The following LZTFL1 variants were observed in gnomAD, a reference collection of about 807,000 sequenced individuals.
LZTFL1 encodes leucine zipper transcription factor like 1, also known as leucine zipper transcription factor-like protein 1.
LZTFL1 carries 25 observed loss-of-function variants against 45.9 expected under a neutral mutation model. That is an observed-to-expected ratio of 0.54 (90% CI 0.40 to 0.76). The LOEUF is 0.76. Among genes scored for constraint, LZTFL1 ranks in the 30% least tolerant of loss-of-function variants. The probability of loss-of-function intolerance (pLI) is 0.00; values close to 1 mark genes in which losing one functional copy is unlikely to be tolerated. For synonymous variants in LZTFL1, 93 were observed against 117.4 expected, an observed-to-expected ratio of 0.79 and a Z score of 1.35; for missense variants, 277 against 331.1, an observed-to-expected ratio of 0.84 and a Z score of 1.27.
At chr3:45,850,721 C>A (rs1701294403) in intron 4 of LZTFL1, among the ~76,000 whole-genome samples, 1 of 152,066 alleles carries the variant, frequency 6.6e-6, no homozygotes, top group African/African-American at 2.4e-5. Flanking sequence ...TTCTCTCCAC[C>A]CTCTCCCTCC....
intron 4 of LZTFL1, among the ~76,000 whole-genome samples, chr3:45,851,900 A>G (rs547096127): frequency 6.6e-6 from 1 of 152,094 alleles, no homozygotes; most frequent in Admixed American, 6.5e-5. Flanking sequence ...TATTGACTTC[A>G]TAAAAACTTT....
chr3:45,873,413 A>AGCCTTACTT (rs1425577039), intron 2 of LZTFL1, among the ~76,000 whole-genome samples: 1 of 152,164 alleles, frequency 6.6e-6, no homozygotes, highest in Admixed American at 6.5e-5. Context: ...TTTCTCCATC[A>AGCCTTACTT]GCCTTACTTG....
chr3:45,852,909 A>C (rs1701329619), intron 4 of LZTFL1, among the ~76,000 whole-genome samples: 1 of 152,260 alleles, frequency 6.6e-6, no homozygotes, highest in African/African-American at 2.4e-5. Flanking sequence ...AGTTAGGCAG[A>C]CATTTCAGGC....
At chr3:45,913,128 CT>C in exon 2 of LZTFL1, 1 of 1,536,082 alleles carries the variant, frequency 6.5e-7, no homozygotes, top group Non-Finnish European at 8.7e-7. Context: ...ACCATCTTCC[CT>C]GGGTCTTGGT....
intron 4 of LZTFL1, among the ~76,000 whole-genome samples, chr3:45,854,239 G>A (rs1227137445): frequency 1.3e-5 from 2 of 152,094 alleles, no homozygotes; most frequent in Non-Finnish European, 2.9e-5. Context: ...CATTCCCAGG[G>A]TTTCATCTGT....
intron 4 of LZTFL1, among the ~76,000 whole-genome samples, chr3:45,852,016 G>A (rs529661413): frequency 6.6e-6 from 1 of 152,240 alleles, no homozygotes; most frequent in South Asian, 2.1e-4. Context: ...AGCATTCCTA[G>A]TCCTGACACG....
intron 1 of LZTFL1, 105 bp downstream of exon 1, chr3:45,841,884 C>A: frequency 4.8e-6 from 7 of 1,446,538 alleles, no homozygotes; most frequent in Non-Finnish European, 6.6e-6. Flanking sequence ...TGCGGCCAGA[C>A]CCAACGAGGC....
At position 45,826,451 on chromosome 3, in the gene LZTFL1, G is replaced by A. The variant is rs1322983684; in HGVS notation, c.882-119C>T. 16 of 825,040 alleles carry A rather than the reference G, an allele frequency of 1.9e-5. No individual in the cohort carries two copies. In the South Asian group the frequency reaches 2.5e-4, roughly 13 times the overall value. 51.1% of individuals were successfully genotyped at this position (825,040 alleles called of 1,614,324 possible). ...ACTTCAAATTACTGTTACGGTAGAA[G>A]TTGGACACATTCAACTTTGTTTTGA... On this transcript the variant is annotated intron_variant, in intron 9 of 9. Coordinates refer to ENST00000296135, the MANE Select transcript of LZTFL1 (RefSeq NM_020347.4).
In LZTFL1 at chr3:45,824,587, G is replaced by A. The variant is rs572799461; in HGVS notation, c.*1727C>T. On this transcript the variant is annotated 3_prime_UTR_variant, in exon 10 of 10. Coordinates refer to ENST00000296135, the MANE Select transcript of LZTFL1 (RefSeq NM_020347.4). ...TTCAAAACTGCTACCAAGAAAACAAGTACAAATTCTACCTAGCAATATAGG... is the reference window on the plus strand; with the variant it reads ...TTCAAAACTGCTACCAAGAAAACAAATACAAATTCTACCTAGCAATATAGG... 516 of 376,824 alleles carry A rather than the reference G, an allele frequency of 1.4e-3. 2 individuals are homozygous for A. Among genetic ancestry groups the A allele is most frequent in the Non-Finnish European group, 1.4e-3 (294 of 212,814 alleles). The allele number at this position is 376,824 out of a possible 1,614,324, so 23.3% of individuals were successfully genotyped here. A position where few individuals can be genotyped will look rare whatever the true frequency, so the allele number is the denominator to read the frequency against.
At chr3:45,874,164 C>T (rs13097210) in intron 2 of LZTFL1, among the ~76,000 whole-genome samples, 1 of 152,162 alleles carries the variant, frequency 6.6e-6, no homozygotes. Flanking sequence ...CTTTGCTTTG[C>T]TTCCTTTGCA....
At chr3:45,863,049 A>T (rs1246679509) in intron 2 of LZTFL1, among the ~76,000 whole-genome samples, 1 of 152,240 alleles carries the variant, frequency 6.6e-6, no homozygotes, top group African/African-American at 2.4e-5. Context: ...GAATAATTCA[A>T]TAAAAACACA....
intron 2 of LZTFL1, among the ~76,000 whole-genome samples, chr3:45,879,926 A>G (rs1701821631): frequency 6.6e-6 from 1 of 152,170 alleles, no homozygotes; most frequent in African/African-American, 2.4e-5. Context: ...GATGGTCATC[A>G]CTAGAAATGT....
chr3:45,860,486 T>G (rs923917330), intron 2 of LZTFL1, among the ~76,000 whole-genome samples: 5 of 151,838 alleles, frequency 3.3e-5, no homozygotes, highest in Non-Finnish European at 7.4e-5. Flanking sequence ...TGTTTTTTGG[T>G]AGGTGGTGAA....
At chr3:45,828,976 G>A (rs1416385138) in intron 7 of LZTFL1, among the ~76,000 whole-genome samples, 1 of 152,010 alleles carries the variant, frequency 6.6e-6, no homozygotes, top group Non-Finnish European at 1.5e-5. Context: ...CCTCAAAGAA[G>A]TTTGAATTCT....
At chr3:45,832,976 A>C (rs1210044404) in intron 5 of LZTFL1, 74 bp downstream of exon 5, 28 of 1,129,822 alleles carry the variant, frequency 2.5e-5, no homozygotes, top group Middle Eastern at 2.0e-4. Context: ...CAAACCTTCC[A>C]CTTCTGTTTC....
chr3:45,874,329 C>T (rs1329380527), intron 2 of LZTFL1, among the ~76,000 whole-genome samples: 2 of 152,148 alleles, frequency 1.3e-5, no homozygotes, highest in Non-Finnish European at 2.9e-5. Flanking sequence ...TGATGTTATA[C>T]TATGTTGCTC....
intron 2 of LZTFL1, among the ~76,000 whole-genome samples, chr3:45,861,800 A>G (rs1701495458): frequency 6.6e-6 from 1 of 152,206 alleles, no homozygotes; most frequent in Admixed American, 6.5e-5. Flanking sequence ...GTAACTAAGT[A>G]GAAGAATTTA....
At chr3:45,872,300 C>T (rs1475484559) in intron 2 of LZTFL1, among the ~76,000 whole-genome samples, 2 of 152,062 alleles carry the variant, frequency 1.3e-5, no homozygotes, top group African/African-American at 2.4e-5. Context: ...TGGTGTCGAT[C>T]GAGTACTTGG....
chr3:45,827,157 T>C (rs563966531), intron 9 of LZTFL1, 199 bp downstream of exon 9: 2 of 554,184 alleles, frequency 3.6e-6, no homozygotes, highest in Non-Finnish European at 6.3e-6. Flanking sequence ...AAGGCCTAGA[T>C]GAACCTAAAA....
Sources: allele counts gnomAD v4.1 joint callset (sites outside exome capture counted in the v4.1 genomes callset), GRCh38; gene constraint gnomAD v4.1.1; transcripts MANE v1.5; gene names NCBI Gene and HGNC (gene_info 2026-07-23, HGNC 2026-07-21).